Variants in BTAF1 observed in about 807,000 individuals in gnomAD.
BTAF1 encodes the protein TATA-binding protein-associated factor 172.
In BTAF1, 38 loss-of-function variants were observed where a neutral mutation model predicts 227.1. The observed-to-expected ratio is 0.17, with a 90% confidence interval of 0.13 to 0.22. The LOEUF is 0.22. Among genes scored for constraint, BTAF1 ranks in the 10% least tolerant of loss-of-function variants. The pLI, the probability that BTAF1 is intolerant of heterozygous loss-of-function variation, is 1.00. For synonymous variants in BTAF1, 742 were observed against 751.9 expected (o/e 0.99, Z 0.21); for missense variants, 1,598 against 2,204.0 (o/e 0.73, Z 5.51).
chr10:91,983,890 G>C (rs924204334), intron 18 of BTAF1, among the ~76,000 whole-genome samples: 6 of 133,714 alleles, frequency 4.5e-5, no homozygotes, highest in Non-Finnish European at 8.2e-5. Flanking sequence ...TTTCTTTTCT[G>C]ATTTTTTTTT....
In BTAF1 at chr10:91,982,719, T is replaced by G; in HGVS notation, c.2181T>G (p.Ile727Met). The change falls in exon 18 of 38, where the codon ATT becomes ATG. Residue 727 changes from isoleucine (I) to methionine (M), a missense_variant. By Grantham distance (10) the Ile-to-Met change is conservative (BLOSUM62 1). Transcript: ENST00000265990. The stretch of plus-strand genomic sequence containing the variant: ...ACTCCAAGTCTGCTTTACAGAGGAT[T>G]AGTGTAGCTTTGGTAATCTGTGAAT... ...HLNSKSALQRISVALVICEWA... is the reference protein window; with the variant it reads ...HLNSKSALQRMSVALVICEWA... 1 of 1,613,746 alleles carries G rather than the reference T, an allele frequency of 6.2e-7. No homozygotes were observed. The highest frequency in any genetic ancestry group is 8.5e-7 in the Non-Finnish European group (1 of 1,179,806).
chr10:91,984,876 A>G (rs1027509034), intron 19 of BTAF1, among the ~76,000 whole-genome samples: 7 of 152,314 alleles, frequency 4.6e-5, no homozygotes, highest in South Asian at 2.1e-4. Flanking sequence ...CTACCTCTCT[A>G]TCCAACCATG....
intron 28 of BTAF1, among the ~76,000 whole-genome samples, chr10:92,009,486 C>T (rs2134108328): frequency 6.6e-6 from 1 of 152,274 alleles, no homozygotes; most frequent in African/African-American, 2.4e-5. Flanking sequence ...AGTCTGTGAC[C>T]ATAGCATCTT....
intron 21 of BTAF1, among the ~76,000 whole-genome samples, chr10:91,993,000 C>A (rs1176208068): frequency 1.3e-5 from 2 of 152,180 alleles, no homozygotes; most frequent in South Asian, 2.1e-4. Context: ...ACCATCAATA[C>A]TAAAAGACAT....
chr10:91,944,811 C>G (rs1845249023), intron 4 of BTAF1, among the ~76,000 whole-genome samples: 1 of 152,184 alleles, frequency 6.6e-6, no homozygotes, highest in Non-Finnish European at 1.5e-5. Context: ...TGGTCACATA[C>G]CACATAACAG....
chr10:91,925,501 G>A (rs1006533094), intron 1 of BTAF1, among the ~76,000 whole-genome samples: 34 of 129,520 alleles, frequency 2.6e-4, no homozygotes, highest in Admixed American at 1.0e-3. Flanking sequence ...CCTAATTTTC[G>A]GGCAACGCTA....
intron 32 of BTAF1, among the ~76,000 whole-genome samples, chr10:92,015,425 T>G (rs1406894451): frequency 6.6e-6 from 1 of 152,236 alleles, no homozygotes. Context: ...GTTAACCTGT[T>G]AACAGGTATT....
At chr10:91,987,187 A>T (rs1397710578) in intron 19 of BTAF1, among the ~76,000 whole-genome samples, 2 of 151,060 alleles carry the variant, frequency 1.3e-5, no homozygotes, top group Non-Finnish European at 2.9e-5. Context: ...TCTTTCAGAA[A>T]GTCTCATGTG....
intron 25 of BTAF1, among the ~76,000 whole-genome samples, chr10:92,007,155 G>A (rs1190737691): frequency 6.6e-6 from 1 of 150,666 alleles, no homozygotes; most frequent in Non-Finnish European, 1.5e-5. Context: ...TGCATTAAAG[G>A]GTTGAGATTT....
chr10:92,024,740 T>G lies in BTAF1; in HGVS notation c.4864-16T>G, dbSNP rs11186800. On this transcript the variant is annotated splice_polypyrimidine_tract_variant and intron_variant, in intron 34 of 37. Coordinates refer to ENST00000265990, the MANE Select transcript of BTAF1 (RefSeq NM_003972.3). Reference sequence around the variant, plus strand: ...TATTGAACGCTTATGTAGTTTTTTTTTTTTTTCTTCCTAAGTTGCTGTTGG... The same window carrying G: ...TATTGAACGCTTATGTAGTTTTTTTGTTTTTTCTTCCTAAGTTGCTGTTGG... 1.4e-4 allele frequency: 121 copies of G among 866,362 alleles called. 2 individuals are homozygous for G. Among genetic ancestry groups the G allele is most frequent in the Admixed American group, 4.8e-4 (13 of 27,344 alleles). 53.7% of individuals were successfully genotyped at this position (866,362 alleles called of 1,614,324 possible).
At chr10:91,957,199 G>A (rs1564672160) in intron 7 of BTAF1, 26 bp from the exon 8 acceptor site, 22 of 1,587,528 alleles carry the variant, frequency 1.4e-5, no homozygotes, top group Non-Finnish European at 1.7e-5. Flanking sequence ...TTTTGAACTA[G>A]TAGTAATTCT....
At chr10:92,010,436 G>A (rs998857312) in intron 28 of BTAF1, among the ~76,000 whole-genome samples, 1 of 152,034 alleles carries the variant, frequency 6.6e-6, no homozygotes, top group Non-Finnish European at 1.5e-5. Flanking sequence ...GAATTTCAGG[G>A]GCAGATTGTT....
intron 12 of BTAF1, 75 bp downstream of exon 12, chr10:91,962,753 T>C (rs945795598): frequency 6.7e-6 from 9 of 1,347,740 alleles, no homozygotes; most frequent in Non-Finnish European, 8.0e-6. Flanking sequence ...AGAAAATACA[T>C]TGTGTACATT....
chr10:91,986,845 CTT>C (rs956965107), intron 19 of BTAF1, among the ~76,000 whole-genome samples: 1 of 148,406 alleles, frequency 6.7e-6, no homozygotes. Context: ...GACTTTTTTT[CTT>C]TTTTTTTTCT....
intron 4 of BTAF1, among the ~76,000 whole-genome samples, chr10:91,949,015 G>C (rs938363453): frequency 3.9e-5 from 6 of 151,966 alleles, no homozygotes; most frequent in Non-Finnish European, 8.8e-5. Context: ...AGTTGCTTAC[G>C]AATCTTGCAT....
chr10:91,957,629 C>G (rs1846192825), intron 8 of BTAF1, among the ~76,000 whole-genome samples: 1 of 152,126 alleles, frequency 6.6e-6, no homozygotes, highest in African/African-American at 2.4e-5. Context: ...TCCAAGCCAG[C>G]TTTTTAGCCT....
At chr10:91,994,438 ACTCT>A in intron 22 of BTAF1, 93 bp from the exon 23 acceptor site, 1 of 743,518 alleles carries the variant, frequency 1.3e-6, no homozygotes, top group Non-Finnish European at 2.1e-6. Flanking sequence ...AGCAAAATTG[ACTCT>A]CCTATGCTAG....
Position 92,016,351 on chromosome 10 carries a change from T to C in BTAF1, c.4596T>C (p.Tyr1532=). The change falls in exon 33 of 38, where the codon TAT becomes TAC. Residue 1532 remains tyrosine (Y), a synonymous_variant. Coordinates refer to ENST00000265990, the MANE Select transcript of BTAF1 (RefSeq NM_003972.3). ...GGGCCATTTTACAGGTTCAGCTCTA[T>C]GAAGATTTTGCTAAGTCTCGTGCCA... ...CTLSPLQVQL[Y]EDFAKSRAKC... 6.3e-7 allele frequency: 1 copy of C among 1,598,576 alleles called. No individual in the cohort carries two copies. The highest frequency in any genetic ancestry group is 8.5e-7 in the Non-Finnish European group (1 of 1,174,004).
chr10:91,938,905 A>G (rs1844808745), intron 2 of BTAF1, among the ~76,000 whole-genome samples: 2 of 149,650 alleles, frequency 1.3e-5, no homozygotes, highest in African/African-American at 5.0e-5. Flanking sequence ...TTTTTTTTTC[A>G]AGATTGCTTT....
Sources: gnomAD v4.1 joint callset for allele counts (sites outside exome capture counted in the v4.1 genomes callset) on GRCh38, gnomAD v4.1.1 for gene constraint, MANE v1.5 for transcripts, NCBI Gene and HGNC (gene_info 2026-07-23, HGNC 2026-07-21) for gene names.